HOXC9: variants seen among roughly 807,000 people sequenced by gnomAD.
HOXC9 encodes homeobox C9, also known as homeobox protein Hox-C9.
In HOXC9, 10 loss-of-function variants were observed where a neutral mutation model predicts 20.0. The observed-to-expected ratio is 0.50, with a 90% CI of 0.31 to 0.85. The LOEUF is 0.85. Ranked by LOEUF, HOXC9 falls within the 40% of genes least tolerant of loss-of-function variation. HOXC9 has a pLI of 0.05. For missense variants in HOXC9, 394 were observed against 376.7 expected (o/e 1.05, Z -0.38); for synonymous variants, 200 against 163.7 (o/e 1.22, Z -1.69).
chr12:54,000,454 A>G lies in HOXC9; in HGVS notation c.266A>G (p.Asp89Gly). Reference sequence around the variant, plus strand: ...GGCCCCCAGCCCCACCTCGGCGCCGACACGCGCTACATGCGGACTTGGCTC... The same window carrying G: ...GGCCCCCAGCCCCACCTCGGCGCCGGCACGCGCTACATGCGGACTTGGCTC... ...PYGPQPHLGA[D>G]TRYMRTWLEP... Residue 89 changes from aspartate (D) to glycine (G), a missense_variant, in exon 1 of 2, where the codon GAC (aspartate) becomes GGC (glycine). By Grantham distance (94) the Asp-to-Gly change is moderately conservative. Coordinates refer to ENST00000303450, the MANE Select transcript of HOXC9 (RefSeq NM_006897.3). 1 of 1,604,302 alleles carries G rather than the reference A, an allele frequency of 6.2e-7. No individual in the cohort carries two copies. The highest frequency in any genetic ancestry group is 2.2e-5 in the East Asian group (1 of 44,850).
rs1939711982 is a variant in HOXC9, at chr12:54,000,564, C to T, written c.376C>T (p.Arg126Cys). ...YALKPDAYPG[R>C]RADCGPGEGR... is the part of the protein sequence containing the mutation. ...CCTCAAGCCGGACGCCTACCCCGGG[C>T]GCCGCGCGGACTGCGGCCCAGGGGA... Residue 126 changes from arginine to cysteine, a missense_variant, in exon 1 of 2, where the codon CGC becomes TGC. Coordinates refer to ENST00000303450, the MANE Select transcript of HOXC9 (RefSeq NM_006897.3). 1 of 1,537,342 alleles carries T rather than the reference C, an allele frequency of 6.5e-7. No homozygotes were observed. The highest frequency in any genetic ancestry group is 8.7e-7 in the Non-Finnish European group (1 of 1,149,442).
intron 1 of HOXC9, among the ~76,000 whole-genome samples, chr12:54,001,464 A>T (rs1394452564): frequency 2.1e-5 from 3 of 144,660 alleles, no homozygotes; most frequent in African/African-American, 7.7e-5. Flanking sequence ...ACTCACTCTC[A>T]CTCACTCACT....
rs149559141 is a variant in HOXC9, at chr12:54,000,431, C to T, written c.243C>T (p.Gly81=). ...SQSSVVYHPY[G]PQPHLGADTR... ...CGTCCGTGGTATATCACCCGTACGG[C>T]CCCCAGCCCCACCTCGGCGCCGACA... Residue 81 remains glycine (G), a synonymous_variant, in exon 1 of 2, where the codon GGC becomes GGT. Transcript: ENST00000303450. 81 of 1,608,418 alleles carry T rather than the reference C, an allele frequency of 5.0e-5. No homozygotes were observed. The highest frequency in any genetic ancestry group is 6.5e-5 in the Non-Finnish European group (77 of 1,179,822).
At chr12:54,002,278 C>G (rs1460209100) in intron 1 of HOXC9, 152 bp from the exon 2 acceptor site, 1 of 929,748 alleles carries the variant, frequency 1.1e-6, no homozygotes, top group Non-Finnish European at 1.6e-6. Context: ...GAATGCAAAA[C>G]GAGGAAGGAG....
At chr12:54,001,976 G>C (rs990394703) in intron 1 of HOXC9, among the ~76,000 whole-genome samples, 1 of 151,888 alleles carries the variant, frequency 6.6e-6, no homozygotes, top group Non-Finnish European at 1.5e-5. Flanking sequence ...GATTCTCAGG[G>C]TCAGGAAGCA....
rs189249574 is a variant in HOXC9, at chr12:54,002,840, C to T, written c.*166C>T. The T allele has an allele frequency of 4.2e-5, 32 of 759,272 alleles. No homozygotes were observed. Among genetic ancestry groups the T allele is most frequent in the Middle Eastern group, 3.9e-4 (1 of 2,548 alleles). The allele number at this position is 759,272 out of a possible 1,614,324, so 47.0% of individuals were successfully genotyped here. On this transcript the variant is annotated 3_prime_UTR_variant, in exon 2 of 2. Transcript: ENST00000303450. ...AAGGAAGGGGAAAAGAAAACTCTTG[C>T]GATTTGGGAGGGTTCAGTGTTGAGA...
chr12:54,000,987 C>G (rs1220813951), intron 1 of HOXC9, among the ~76,000 whole-genome samples: 1 of 152,166 alleles, frequency 6.6e-6, no homozygotes, highest in East Asian at 1.9e-4. Context: ...CCCCTGCCCC[C>G]TCCTCCCAGC....
chr12:54,001,454 A>ACTCACT (rs1186085367), intron 1 of HOXC9, among the ~76,000 whole-genome samples: 5 of 148,878 alleles, frequency 3.4e-5, no homozygotes, highest in Admixed American at 1.3e-4. Context: ...ACACACACAC[A>ACTCACT]CTCACTCTCA....
At position 54,002,555 on chromosome 12, in the gene HOXC9, C is replaced by A. The variant is rs144189376; in HGVS notation, c.664C>A (p.Arg222=). 6.2e-7 allele frequency: 1 copy of A among 1,614,054 alleles called. No individual in the cohort carries two copies. Among genetic ancestry groups the A allele is most frequent in the Non-Finnish European group, 8.5e-7 (1 of 1,180,026 alleles). The change falls in exon 2 of 2, where the codon CGG becomes AGG. Residue 222 remains arginine, a synonymous_variant. Coordinates refer to ENST00000303450, the MANE Select transcript of HOXC9 (RefSeq NM_006897.3). ...CAATATGTATTTAACCAGGGACCGT[C>A]GGTATGAGGTGGCCCGGGTTCTCAA... The part of the protein sequence containing the change: ...LFNMYLTRDR[R]YEVARVLNLT...
rs530531095 is a variant in HOXC9, at chr12:54,000,554, C to T, written c.366C>T (p.Ala122=). The change falls in exon 1 of 2, where the codon GCC becomes GCT. Residue 122 remains alanine (A), a synonymous_variant. Coordinates refer to ENST00000303450, the MANE Select transcript of HOXC9 (RefSeq NM_006897.3). Reference sequence around the variant, plus strand: ...GTCACTACGCCCTCAAGCCGGACGCCTACCCCGGGCGCCGCGCGGACTGCG... The same window carrying T: ...GTCACTACGCCCTCAAGCCGGACGCTTACCCCGGGCGCCGCGCGGACTGCG... ...GGRHYALKPD[A]YPGRRADCGP... is the part of the protein sequence containing the mutation. The T allele has an allele frequency of 1.9e-5, 30 of 1,542,234 alleles. No homozygotes were observed. The African/African-American group carries it at 3.7e-4, about 19-fold the overall frequency.
Position 54,000,687 on chromosome 12 carries a change from G to T in HOXC9, c.499G>T (p.Gly167Cys). 6.4e-7 allele frequency: 1 copy of T among 1,568,244 alleles called. No homozygotes were observed. The highest frequency in any genetic ancestry group is 8.6e-7 in the Non-Finnish European group (1 of 1,163,670). The change falls in exon 1 of 2, where the codon GGC (glycine) becomes TGC (cysteine). Residue 167 changes from glycine (G) to cysteine (C), a missense_variant. By Grantham distance (159) the Gly-to-Cys change is radical (BLOSUM62 -3). Coordinates refer to ENST00000303450, the MANE Select transcript of HOXC9 (RefSeq NM_006897.3). ...CTCGCCCGAGGCGGACGCGCTCGCC[G>T]GCAGCAAGCACAAAGAGGAGAAGGC... ...LPSPEADALA[G>C]SKHKEEKADL...
Position 54,002,686 on chromosome 12 carries a change from C to A in HOXC9, c.*12C>A, listed in dbSNP as rs761108661. 6.2e-7 allele frequency: 1 copy of A among 1,602,454 alleles called. No homozygotes were observed. The highest frequency in any genetic ancestry group is 8.5e-7 in the Non-Finnish European group (1 of 1,171,920). On this transcript the variant is annotated 3_prime_UTR_variant, in exon 2 of 2. Transcript: ENST00000303450. ...AGGAGCAGTCCTAAACCCTACCCAG[C>A]CTGCTGCCTCAGCACAGCCAAGGGA...
rs1281514322 is a variant in HOXC9 at position 54,000,562 on chromosome 12, G to A, written c.374G>A (p.Gly125Glu). Residue 125 changes from glycine to glutamate, a missense_variant, in exon 1 of 2, where the codon GGG becomes GAG. By Grantham distance (98) the Gly-to-Glu change is moderately conservative. Coordinates refer to ENST00000303450, the MANE Select transcript of HOXC9 (RefSeq NM_006897.3). ...GCCCTCAAGCCGGACGCCTACCCCG[G>A]GCGCCGCGCGGACTGCGGCCCAGGG... ...HYALKPDAYP[G>E]RRADCGPGEG... 2 of 1,537,408 alleles carry A rather than the reference G, an allele frequency of 1.3e-6. No homozygotes were observed. The highest frequency in any genetic ancestry group is 1.7e-6 in the Non-Finnish European group (2 of 1,149,454).
chr12:54,000,793 C>G (rs1458443229), intron 1 of HOXC9, 67 bp downstream of exon 1: 1 of 1,353,652 alleles, frequency 7.4e-7, no homozygotes, highest in African/African-American at 1.5e-5. Context: ...CGGGGGCAGC[C>G]GAATTACAGC....
Position 54,000,622 on chromosome 12 carries a change from CG to C in HOXC9, c.435del (p.Glu148SerfsTer70). On this transcript the variant is annotated frameshift_variant, in exon 1 of 2. Coordinates refer to ENST00000303450, the MANE Select transcript of HOXC9 (RefSeq NM_006897.3). LOFTEE classifies it high-confidence loss of function. The stretch of plus-strand genomic sequence containing the variant: ...AGCTACCCGGACTACATGTACGGCT[CG>C]CCCGGGGAGCTGCGCGACCGCGCCC... ...GRSYPDYMYG[S>X]PGELRDRAPQ... is the part of the protein sequence containing the mutation. 6.5e-7 allele frequency: 1 copy of C among 1,538,078 alleles called. No homozygotes were observed.
intron 1 of HOXC9, among the ~76,000 whole-genome samples, chr12:54,002,159 A>G (rs1240834126): frequency 6.6e-6 from 1 of 152,176 alleles, no homozygotes; most frequent in Non-Finnish European, 1.5e-5. Flanking sequence ...GATATTCTCA[A>G]ATTACTACTC....
chr12:54,000,356 G>A lies in HOXC9; in HGVS notation c.168G>A (p.Ala56=). The A allele has an allele frequency of 6.2e-7, 1 of 1,613,830 alleles. No individual in the cohort carries two copies. The highest frequency in any genetic ancestry group is 1.1e-5 in the South Asian group (1 of 91,078). The change falls in exon 1 of 2, where the codon GCG becomes GCA. Residue 56 remains alanine, a synonymous_variant. Coordinates refer to ENST00000303450, the MANE Select transcript of HOXC9 (RefSeq NM_006897.3). The part of the protein sequence containing the change: ...DCSDFPSCSF[A]PKPAVFSTSW... ...GCGATTTTCCGTCCTGTAGCTTCGC[G>A]CCCAAGCCGGCAGTGTTCAGCACGT...
chr12:54,000,611 C>T lies in HOXC9; in HGVS notation c.423C>T (p.Tyr141=). The stretch of plus-strand genomic sequence containing the variant: ...GGGAGGGCCGCAGCTACCCGGACTA[C>T]ATGTACGGCTCGCCCGGGGAGCTGC... ...GPGEGRSYPD[Y]MYGSPGELRD... is the part of the protein sequence containing the mutation. The change falls in exon 1 of 2, where the codon TAC becomes TAT. Residue 141 remains tyrosine, a synonymous_variant. Coordinates refer to ENST00000303450, the MANE Select transcript of HOXC9 (RefSeq NM_006897.3). 7 of 1,540,460 alleles carry T rather than the reference C, an allele frequency of 4.5e-6. No individual in the cohort carries two copies. Among genetic ancestry groups the T allele is most frequent in the Non-Finnish European group, 6.1e-6 (7 of 1,149,408 alleles).
Position 54,003,036 on chromosome 12 carries a change from G to A in HOXC9, c.*362G>A, listed in dbSNP as rs767545240. On this transcript the variant is annotated 3_prime_UTR_variant, in exon 2 of 2. Coordinates refer to ENST00000303450, the MANE Select transcript of HOXC9 (RefSeq NM_006897.3). ...GCTATATTTCTATTTTTTTTTCCCT[G>A]TATCGTATTTGGTCCAGGTCATCCC... The A allele has an allele frequency of 6.1e-6, 1 of 164,790 alleles. No homozygotes were observed. Among genetic ancestry groups the A allele is most frequent in the East Asian group, 1.7e-4 (1 of 5,950 alleles). The allele number at this position is 164,790 out of a possible 1,614,324, so 10.2% of individuals were successfully genotyped here.
Sources: gnomAD v4.1 joint callset for allele counts (sites outside exome capture counted in the v4.1 genomes callset) on GRCh38, gnomAD v4.1.1 for gene constraint, MANE v1.5 for transcripts, NCBI Gene and HGNC (gene_info 2026-07-23, HGNC 2026-07-21) for gene names.